PLK3: variants seen among roughly 807,000 people sequenced by gnomAD.
The protein encoded by PLK3 is serine/threonine-protein kinase PLK3.
A neutral mutation model predicts 71.6 loss-of-function variants in PLK3; 41 were observed. That is an observed-to-expected ratio of 0.57 (90% confidence interval 0.45 to 0.74). The LOEUF (loss-of-function observed/expected upper bound fraction) is 0.74, where lower values mean the gene tolerates loss of function less well. Ranked by LOEUF, PLK3 falls within the 30% of genes least tolerant of loss-of-function variation. The pLI, the probability that PLK3 is intolerant of heterozygous loss-of-function variation, is 0.00. For missense variants in PLK3, 791 were observed against 875.6 expected (o/e 0.90, Z 1.22); for synonymous variants, 366 against 355.4 (o/e 1.03, Z -0.33).
Position 44,800,417 on chromosome 1 carries a change from C to A in PLK3, c.-47C>A, listed in dbSNP as rs993379752. On this transcript the variant is annotated 5_prime_UTR_variant, in exon 1 of 15. Coordinates refer to ENST00000372201, the MANE Select transcript of PLK3 (RefSeq NM_004073.4). The surrounding 1 kb of genome is among the most constrained non-coding windows in gnomAD (Gnocchi z 6.5). Reference sequence around the variant, plus strand: ...CAGGCAGCGCCACGCGCGGCCGGGGCCGGGCGGAACCGAGAAGCCGGGACC... The same window carrying A: ...CAGGCAGCGCCACGCGCGGCCGGGGACGGGCGGAACCGAGAAGCCGGGACC... The A allele has an allele frequency of 2.9e-5, 37 of 1,269,338 alleles. No homozygotes were observed. The highest frequency in any genetic ancestry group is 3.1e-4 in the Middle Eastern group (1 of 3,252). 78.6% of individuals were successfully genotyped at this position (1,269,338 alleles called of 1,614,324 possible). A position where few individuals can be genotyped will look rare whatever the true frequency, so the allele number is the denominator to read the frequency against.
chr1:44,804,546 G>T (rs763091029), intron 12 of PLK3, 45 bp downstream of exon 12: 24 of 1,608,844 alleles, frequency 1.5e-5, no homozygotes, highest in Non-Finnish European at 1.9e-5. Flanking sequence ...CACTAATCCA[G>T]CAGGGCCGCA....
Position 44,805,764 on chromosome 1 carries a change from T to A in PLK3, c.*86T>A. 2 of 1,423,552 alleles carry A rather than the reference T, an allele frequency of 1.4e-6. No homozygotes were observed. The highest frequency in any genetic ancestry group is 1.3e-5 in the South Asian group (1 of 79,844). The allele number at this position is 1,423,552 out of a possible 1,614,324, so 88.2% of individuals were successfully genotyped here. ...CTTCCCCCTTCCTTTGGTGCCTCAC[T>A]GGGGGCTTTGGGCCGAATCCCCCAG... is the stretch of plus-strand genomic sequence containing the variant. On this transcript the variant is annotated 3_prime_UTR_variant, in exon 15 of 15. Coordinates refer to ENST00000372201, the MANE Select transcript of PLK3 (RefSeq NM_004073.4).
Position 44,800,498 on chromosome 1 carries a change from C to T in PLK3, c.35C>T (p.Pro12Leu), listed in dbSNP as rs1299329581. 2 of 1,448,370 alleles carry T rather than the reference C, an allele frequency of 1.4e-6. No individual in the cohort carries two copies. Among genetic ancestry groups the T allele is most frequent in the Non-Finnish European group, 1.8e-6 (2 of 1,108,010 alleles). The allele number at this position is 1,448,370 out of a possible 1,614,324, so 89.7% of individuals were successfully genotyped here. ...EPAAGFLSPRPFQRAAAAPAP... is the reference protein window; with the variant it reads ...EPAAGFLSPRLFQRAAAAPAP... ...GCCGCCGGTTTCCTGTCTCCGCGCCCCTTCCAGCGTGCGGCCGCCGCGCCC... is the reference window on the plus strand; with the variant it reads ...GCCGCCGGTTTCCTGTCTCCGCGCCTCTTCCAGCGTGCGGCCGCCGCGCCC... The change falls in exon 1 of 15, where the codon CCC (proline) becomes CTC (leucine). Residue 12 changes from proline to leucine, a missense_variant. By Grantham distance (98) the Pro-to-Leu change is moderately conservative (BLOSUM62 -3). Transcript: ENST00000372201. This position sits in a 1 kb window ranked among gnomAD's most constrained non-coding sequence, Gnocchi z 6.5.
Position 44,801,083 on chromosome 1 carries a change from C to G in PLK3, c.366C>G (p.Ile122Met), listed in dbSNP as rs1420035658. The change falls in exon 3 of 15, where the codon ATC (isoleucine) becomes ATG (methionine). Residue 122 changes from isoleucine to methionine, a missense_variant. Ile to Met is a conservative substitution (Grantham distance 10). Transcript: ENST00000372201. ...ELHRDLQHRH[I>M]VRFSHHFEDA... ...ACCGAGACCTGCAGCACCGCCACATCGTGCGTTTTTCGCACCACTTTGAGG... is the reference window on the plus strand; with the variant it reads ...ACCGAGACCTGCAGCACCGCCACATGGTGCGTTTTTCGCACCACTTTGAGG... 1 of 1,613,622 alleles carries G rather than the reference C, an allele frequency of 6.2e-7. No individual in the cohort carries two copies. The highest frequency in any genetic ancestry group is 8.5e-7 in the Non-Finnish European group (1 of 1,179,942).
rs749223204 is a variant in PLK3 at position 44,803,258 on chromosome 1, C to T, written c.949-10C>T. On this transcript the variant is annotated splice_polypyrimidine_tract_variant and intron_variant, in intron 7 of 14. Transcript: ENST00000372201. This position sits in a 1 kb window ranked among gnomAD's most constrained non-coding sequence, Gnocchi z 4.3. ...CCTCTCTTCTCTGTTCACATGGTTC[C>T]CCTCCCTAGGGCTACACCCCCGATC... The T allele has an allele frequency of 1.9e-6, 3 of 1,613,796 alleles. No individual in the cohort carries two copies. Among genetic ancestry groups the T allele is most frequent in the East Asian group, 4.5e-5 (2 of 44,874 alleles).
rs775490578 is a variant in PLK3, at chr1:44,804,225, T to G, written c.1321T>G (p.Cys441Gly). Residue 441 changes from cysteine to glycine, a missense_variant, in exon 11 of 15, where the codon TGT becomes GGT. Coordinates refer to ENST00000372201, the MANE Select transcript of PLK3 (RefSeq NM_004073.4). ...GTCAGCCCTTTGTGCTCTGAGAAATTGTATAGCCTTCATGCCCCCAGGTAA... is the reference window on the plus strand; with the variant it reads ...GTCAGCCCTTTGTGCTCTGAGAAATGGTATAGCCTTCATGCCCCCAGGTAA... Reference protein sequence around the residue: ...VESALCALRNCIAFMPPAEQN... With the variant: ...VESALCALRNGIAFMPPAEQN... The G allele has an allele frequency of 9.9e-6, 16 of 1,613,890 alleles. No homozygotes were observed. Among genetic ancestry groups the G allele is most frequent in the Non-Finnish European group, 1.0e-5 (12 of 1,179,852 alleles).
chr1:44,800,411 C>T lies in PLK3; in HGVS notation c.-53C>T. 8.0e-7 allele frequency: 1 copy of T among 1,252,078 alleles called. No individual in the cohort carries two copies. The highest frequency in any genetic ancestry group is 1.0e-6 in the Non-Finnish European group (1 of 1,000,292). 77.6% of individuals were successfully genotyped at this position (1,252,078 alleles called of 1,614,324 possible). On this transcript the variant is annotated 5_prime_UTR_variant, in exon 1 of 15. Transcript: ENST00000372201. The surrounding 1 kb of genome is among the most constrained non-coding windows in gnomAD (Gnocchi z 6.5). ...CAAATCCAGGCAGCGCCACGCGCGG[C>T]CGGGGCCGGGCGGAACCGAGAAGCC...
At position 44,804,745 on chromosome 1, in the gene PLK3, A is replaced by C; in HGVS notation, c.1601A>C (p.Tyr534Ser). 1 of 1,614,082 alleles carries C rather than the reference A, an allele frequency of 6.2e-7. No individual in the cohort carries two copies. The highest frequency in any genetic ancestry group is 2.2e-5 in the East Asian group (1 of 44,878). ...CAGCCTCAGCTGGGTATCCTGCGGT[A>C]CTTCGCCTCCTACATGGAGCAGCAC... ...ALQPQLGILR[Y>S]FASYMEQHLM... Residue 534 changes from tyrosine to serine, a missense_variant, in exon 13 of 15, where the codon TAC (tyrosine) becomes TCC (serine). Tyr to Ser is a moderately radical substitution (Grantham distance 144). Coordinates refer to ENST00000372201, the MANE Select transcript of PLK3 (RefSeq NM_004073.4).
intron 5 of PLK3, 84 bp downstream of exon 5, chr1:44,802,016 A>G: frequency 9.9e-7 from 1 of 1,005,758 alleles, no homozygotes; most frequent in Non-Finnish European, 1.5e-6. Flanking sequence ...AGGCAAGGTG[A>G]CTGCCTGATG....
At chr1:44,801,003 T>A in intron 2 of PLK3, 33 bp from the exon 3 acceptor site, 1 of 1,608,212 alleles carries the variant, frequency 6.2e-7, no homozygotes, top group South Asian at 1.1e-5. Context: ...ATGGGAACCA[T>A]GGAAGGATGA....
chr1:44,803,332 A>G lies in PLK3; in HGVS notation c.1013A>G (p.Asn338Ser), dbSNP rs1651901726. 1.2e-6 allele frequency: 2 copies of G among 1,613,730 alleles called. No homozygotes were observed. The highest frequency in any genetic ancestry group is 3.3e-5 in the Admixed American group (2 of 59,972). ...ACAGTCCCAGACCTGACACCCCCCA[A>G]CCCAGCTAGGAGTCTGTTTGCCAAA... ...CVTVPDLTPP[N>S]PARSLFAKVT... Residue 338 changes from asparagine (N) to serine (S), a missense_variant, in exon 8 of 15, where the codon AAC (asparagine) becomes AGC (serine). Asn to Ser is a conservative substitution (Grantham distance 46). Transcript: ENST00000372201. This position sits in a 1 kb window ranked among gnomAD's most constrained non-coding sequence, Gnocchi z 4.3.
rs1226912832 is a variant in PLK3, at chr1:44,800,868, C to G, written c.239C>G (p.Thr80Ser). ...GGCTTCGCCCGCTGCTACGAGGCCA[C>G]TGACACAGAGACTGGCAGCGCCTAC... ...KGGFARCYEA[T>S]DTETGSAYAV... Residue 80 changes from threonine to serine, a missense_variant, in exon 2 of 15, where the codon ACT (threonine) becomes AGT (serine). Physicochemically the swap from Thr to Ser is moderately conservative, Grantham distance 58 (BLOSUM62 1). Coordinates refer to ENST00000372201, the MANE Select transcript of PLK3 (RefSeq NM_004073.4). This position sits in a 1 kb window ranked among gnomAD's most constrained non-coding sequence, Gnocchi z 6.5. The G allele has an allele frequency of 6.2e-7, 1 of 1,611,596 alleles. No homozygotes were observed. Among genetic ancestry groups the G allele is most frequent in the Non-Finnish European group, 8.5e-7 (1 of 1,179,796 alleles).
In PLK3 at chr1:44,803,581, T is replaced by C; in HGVS notation, c.1073-19T>C. 3 of 1,608,748 alleles carry C rather than the reference T, an allele frequency of 1.9e-6. No homozygotes were observed. The highest frequency in any genetic ancestry group is 2.6e-6 in the Non-Finnish European group (3 of 1,175,412). ...GGGCTGGGCAGGATACTGAGGACGG[T>C]ATCACCTTTCACCCCCAGGTAAGAA... is the stretch of plus-strand genomic sequence containing the variant. On this transcript the variant is annotated intron_variant, in intron 8 of 14. Transcript: ENST00000372201. The surrounding 1 kb of genome is among the most constrained non-coding windows in gnomAD (Gnocchi z 4.3).
chr1:44,805,447 C>G, intron 14 of PLK3, 40 bp from the exon 15 acceptor site: 2 of 1,609,194 alleles, frequency 1.2e-6, no homozygotes, highest in Non-Finnish European at 1.7e-6. Context: ...AAGCTGGGCC[C>G]GGAGCCTAGG....
Position 44,800,718 on chromosome 1 carries a change from G to A in PLK3, c.210+45G>A. 2 of 1,536,562 alleles carry A rather than the reference G, an allele frequency of 1.3e-6. No individual in the cohort carries two copies. Among genetic ancestry groups the A allele is most frequent in the Non-Finnish European group, 1.7e-6 (2 of 1,143,902 alleles). ...CGGGGTGGTGATGGTGGAGGTGGGG[G>A]TCCCGGCCGGCCTCTTTTCTGGCGC... On this transcript the variant is annotated intron_variant, in intron 1 of 14. Coordinates refer to ENST00000372201, the MANE Select transcript of PLK3 (RefSeq NM_004073.4). This position sits in a 1 kb window ranked among gnomAD's most constrained non-coding sequence, Gnocchi z 6.5.
At chr1:44,804,854 C>G in intron 13 of PLK3, 75 bp downstream of exon 13, 1 of 1,485,010 alleles carries the variant, frequency 6.7e-7, no homozygotes, top group Non-Finnish European at 9.3e-7. Context: ...GCCTGTAATC[C>G]CAGCACTTTG....
chr1:44,802,012 G>C (rs1651848670), intron 5 of PLK3, 80 bp downstream of exon 5: 2 of 1,041,680 alleles, frequency 1.9e-6, no homozygotes, highest in East Asian at 2.4e-5. Flanking sequence ...TGGGAGGCAA[G>C]GTGACTGCCT....
Position 44,801,146 on chromosome 1 carries a change from C to T in PLK3, c.429C>T (p.Ser143=), listed in dbSNP as rs773340563. Residue 143 remains serine (S), a synonymous_variant, in exon 3 of 15, where the codon AGC becomes AGT. Coordinates refer to ENST00000372201, the MANE Select transcript of PLK3 (RefSeq NM_004073.4). ...TCTACATTTTCTTGGAGCTCTGCAG[C>T]CGAAAGGTGAAAGATGGTGATTCCC... The part of the protein sequence containing the change: ...DNIYIFLELC[S]RKSLAHIWKA... 6.9e-6 allele frequency: 11 copies of T among 1,603,220 alleles called. No homozygotes were observed. Among genetic ancestry groups the T allele is most frequent in the Non-Finnish European group, 9.4e-6 (11 of 1,171,074 alleles).
In PLK3 at chr1:44,801,618, G is replaced by T. The variant is rs776080894; in HGVS notation, c.436-4G>T. The T allele has an allele frequency of 4.3e-6, 7 of 1,612,708 alleles. No individual in the cohort carries two copies. The highest frequency in any genetic ancestry group is 5.9e-6 in the Non-Finnish European group (7 of 1,179,546). The stretch of plus-strand genomic sequence containing the variant: ...CCAGGGGCTGAGGCAGTGGCTCTCT[G>T]CAGTCCCTGGCCCACATCTGGAAGG... On this transcript the variant is annotated splice_region_variant and splice_polypyrimidine_tract_variant and intron_variant, in intron 3 of 14. Coordinates refer to ENST00000372201, the MANE Select transcript of PLK3 (RefSeq NM_004073.4).
Sources: gnomAD v4.1 joint callset for allele counts on GRCh38, gnomAD v4.1.1 for gene constraint, Gnocchi (gnomAD v3.1) non-coding constraint, MANE v1.5 for transcripts, NCBI Gene and HGNC (gene_info 2026-07-23, HGNC 2026-07-21) for gene names.